The following EFCAB8 variants were observed in gnomAD, a reference collection of about 807,000 sequenced individuals.
The protein encoded by EFCAB8 is EF-hand calcium-binding domain-containing protein 8.
EFCAB8 carries 100 observed loss-of-function variants against 116.3 expected under a neutral mutation model. The ratio of observed to expected loss-of-function variants is 0.86; its 90% CI spans 0.73 to 1.02. The LOEUF (loss-of-function observed/expected upper bound fraction) is 1.02. Among genes scored for constraint, EFCAB8 ranks in the 50% least tolerant of loss-of-function variants. The pLI is 0.00. For missense variants in EFCAB8, 1,320 were observed against 1,416.9 expected (o/e 0.93, Z 1.10); for synonymous variants, 558 against 567.9 (o/e 0.98, Z 0.25).
rs1421898039 is a variant in EFCAB8, at chr20:32,898,700, C to T, written c.1088+77C>T. 3 of 687,966 alleles carry T rather than the reference C, an allele frequency of 4.4e-6. No individual in the cohort carries two copies. In the Admixed American group the frequency reaches 6.2e-5, roughly 14 times the overall value. 42.6% of individuals were successfully genotyped at this position (687,966 alleles called of 1,614,324 possible). A position where few individuals can be genotyped will look rare whatever the true frequency, so the allele number is the denominator to read the frequency against. On this transcript the variant is annotated intron_variant, in intron 11 of 26. Coordinates refer to ENST00000400522, the MANE Select transcript of EFCAB8 (RefSeq NM_001143967.2). The stretch of plus-strand genomic sequence containing the variant: ...GTGGTGAGTGGACCATGGGGGCTGA[C>T]AGTGGCAGATGGTGGTTGGTGTATG...
rs561977018 is a variant in EFCAB8 at position 32,893,961 on chromosome 20, C to A, written c.883+663C>A. On this transcript the variant is annotated intron_variant, in intron 9 of 26. Coordinates refer to ENST00000400522, the MANE Select transcript of EFCAB8 (RefSeq NM_001143967.2). ...GTGGGGGCTAAGATCTGAAGTCCGG[C>A]TGCCTGCCCTGGAGTCTGTGCTTTT... Among the ~76,000 whole-genome samples, 58 of 152,324 alleles carry A rather than the reference C, an allele frequency of 3.8e-4. No individual in the cohort carries two copies. The Middle Eastern group carries it at 0.01, about 27-fold the overall frequency.
intron 22 of EFCAB8, among the ~76,000 whole-genome samples, chr20:32,932,511 C>G (rs994608342): frequency 3.9e-5 from 6 of 152,184 alleles, no homozygotes; most frequent in Admixed American, 2.6e-4. Flanking sequence ...CCTGTTCCCC[C>G]AAACAGTTCA....
chr20:32,952,764 TAATTTTGCTGAAGTCCAACTTACC>T (rs896366278), intron 23 of EFCAB8, among the ~76,000 whole-genome samples: 2 of 152,230 alleles, frequency 1.3e-5, no homozygotes, highest in African/African-American at 4.8e-5. Context: ...CAGAAATTTT[TAATTTTGCTGAAGTCCAACTTACC>T]AAGTTAAAGA....
At chr20:32,920,323 C>G (rs1600427296) in intron 20 of EFCAB8, 108 bp downstream of exon 20, 2 of 1,417,476 alleles carry the variant, frequency 1.4e-6, no homozygotes, top group Non-Finnish European at 1.9e-6. Context: ...CGGCCTGATT[C>G]TCCCCAGTGC....
chr20:32,861,384 A>G (rs6058915), intron 1 of EFCAB8, among the ~76,000 whole-genome samples: 108,387 of 152,008 alleles, frequency 0.71, 39,012 homozygotes, highest in Middle Eastern at 0.79. Flanking sequence ...CGCCTCCTGG[A>G]TTCAAGCAGT....
At chr20:32,914,816 C>A (rs931437141) in intron 17 of EFCAB8, among the ~76,000 whole-genome samples, 5 of 152,174 alleles carry the variant, frequency 3.3e-5, no homozygotes, top group African/African-American at 1.2e-4. Flanking sequence ...GGACACAGAG[C>A]CAAACCATAT....
chr20:32,922,722 C>T (rs557144392), intron 20 of EFCAB8, among the ~76,000 whole-genome samples: 2 of 152,124 alleles, frequency 1.3e-5, no homozygotes, highest in African/African-American at 4.8e-5. Flanking sequence ...ACATGGCCTG[C>T]AGTTATTTGG....
At chr20:32,927,166 A>G (rs907705731) in intron 20 of EFCAB8, among the ~76,000 whole-genome samples, 4 of 152,180 alleles carry the variant, frequency 2.6e-5, no homozygotes, top group Non-Finnish European at 5.9e-5. Context: ...GTGTCAACAA[A>G]TTTCAAAACT....
At chr20:32,939,399 C>T (rs1427875649) in intron 22 of EFCAB8, among the ~76,000 whole-genome samples, 2 of 146,376 alleles carry the variant, frequency 1.4e-5, no homozygotes, top group Non-Finnish European at 3.0e-5. Context: ...TTTCCTGCCT[C>T]AGCCTCCCAA....
rs1986775596 is a variant in EFCAB8, at chr20:32,908,382, G to A, written c.1416G>A (p.Lys472=). The change falls in exon 14 of 27, where the codon AAG becomes AAA. Residue 472 remains lysine, a synonymous_variant. Coordinates refer to ENST00000400522, the MANE Select transcript of EFCAB8 (RefSeq NM_001143967.2). ...TCACCAGTGCCTACTTCTTCGAGAA[G>A]GACAATACCCTCATCTGCAGCACCT... is the stretch of plus-strand genomic sequence containing the variant. ...CPITSAYFFE[K]DNTLICSTYS... 7 of 1,249,918 alleles carry A rather than the reference G, an allele frequency of 5.6e-6. No individual in the cohort carries two copies. The allele number at this position is 1,249,918 out of a possible 1,614,324, so 77.4% of individuals were successfully genotyped here. A position where few individuals can be genotyped will look rare whatever the true frequency, so the allele number is the denominator to read the frequency against.
intron 11 of EFCAB8, among the ~76,000 whole-genome samples, chr20:32,905,215 C>G (rs1353798906): frequency 6.6e-6 from 1 of 152,172 alleles, no homozygotes; most frequent in Non-Finnish European, 1.5e-5. Flanking sequence ...AATATTTTTT[C>G]TTCACCCATT....
chr20:32,880,179 G>C (rs1184397638), intron 5 of EFCAB8, among the ~76,000 whole-genome samples: 8 of 152,154 alleles, frequency 5.3e-5, no homozygotes, highest in Admixed American at 1.3e-4. Context: ...ACCAGGCCAC[G>C]GGGAAGTCAA....
chr20:32,917,269 C>T, intron 17 of EFCAB8, 32 bp from the exon 18 acceptor site: 1 of 1,512,994 alleles, frequency 6.6e-7, no homozygotes, highest in Admixed American at 2.0e-5. Flanking sequence ...AGGCTGAGCT[C>T]TCAGCCCTCC....
chr20:32,886,710 C>T (rs1985650286), intron 6 of EFCAB8, among the ~76,000 whole-genome samples: 4 of 152,092 alleles, frequency 2.6e-5, no homozygotes, highest in Admixed American at 1.3e-4. Context: ...CTTGTGGCTG[C>T]TACATGGTCA....
chr20:32,945,809 T>G (rs1485895939), intron 23 of EFCAB8, among the ~76,000 whole-genome samples: 1 of 152,216 alleles, frequency 6.6e-6, no homozygotes, highest in South Asian at 2.1e-4. Flanking sequence ...TGTGGATACT[T>G]TCACCAGACT....
At chr20:32,911,235 C>T (rs1172490617) in intron 15 of EFCAB8, among the ~76,000 whole-genome samples, 1 of 152,152 alleles carries the variant, frequency 6.6e-6, no homozygotes, top group Non-Finnish European at 1.5e-5. Flanking sequence ...TGGCTAGATC[C>T]TGATAAGTGC....
intron 7 of EFCAB8, among the ~76,000 whole-genome samples, chr20:32,889,840 A>G (rs567304791): frequency 6.6e-6 from 1 of 152,120 alleles, no homozygotes; most frequent in African/African-American, 2.4e-5. Flanking sequence ...CGCCTCTACT[A>G]AAAATACAAA....
intron 20 of EFCAB8, among the ~76,000 whole-genome samples, chr20:32,923,580 A>G (rs1370403301): frequency 6.6e-6 from 1 of 152,170 alleles, no homozygotes; most frequent in Non-Finnish European, 1.5e-5. Context: ...CAGCCTCCAG[A>G]GGTAATTACG....
At chr20:32,926,937 T>C (rs990383754) in intron 20 of EFCAB8, among the ~76,000 whole-genome samples, 2 of 150,874 alleles carry the variant, frequency 1.3e-5, no homozygotes, top group African/African-American at 4.9e-5. Flanking sequence ...TGGTTCCAAG[T>C]CTTTGCTATT....
Sources: gnomAD v4.1 joint callset for allele counts (sites outside exome capture counted in the v4.1 genomes callset) on GRCh38, gnomAD v4.1.1 for gene constraint, MANE v1.5 for transcripts, NCBI Gene and HGNC (gene_info 2026-07-23, HGNC 2026-07-21) for gene names.